The following ABCC8 variants were observed in gnomAD, a reference collection of about 807,000 sequenced individuals.
ABCC8 encodes ATP-binding cassette sub-family C member 8.
In ABCC8, 137 loss-of-function variants were observed where a neutral mutation model predicts 188.0. That is an observed-to-expected ratio of 0.73 (90% CI 0.63 to 0.84). The LOEUF is 0.84. ABCC8 is among the 40% of genes least tolerant of loss of function. The pLI is 0.00. For missense variants in ABCC8, 1,750 were observed against 2,072.7 expected (o/e 0.84, Z 3.02); for synonymous variants, 797 against 846.5 (o/e 0.94, Z 1.01).
intron 10 of ABCC8, among the ~76,000 whole-genome samples, chr11:17,440,843 G>A (rs1214808525): frequency 6.6e-6 from 1 of 152,216 alleles, no homozygotes; most frequent in East Asian, 1.9e-4. Context: ...CCCCTAGACA[G>A]GGACATGCCT....
At chr11:17,421,736 C>T (rs961989275) in intron 16 of ABCC8, among the ~76,000 whole-genome samples, 1 of 152,188 alleles carries the variant, frequency 6.6e-6, no homozygotes, top group Admixed American at 6.5e-5. Flanking sequence ...TTCCAAAGCA[C>T]AGAGACCAAA....
At position 17,407,470 on chromosome 11, in the gene ABCC8, G is replaced by A. The variant is rs1954599572; in HGVS notation, c.2821-17C>T. 10 of 1,614,142 alleles carry A rather than the reference G, an allele frequency of 6.2e-6. No homozygotes were observed. In the East Asian group the frequency reaches 2.2e-4, roughly 36 times the overall value. ...GACAGTCTCCTAAAAGACAGATGTG[G>A]CCTGGGCAATGTCTTCAGGATATAT... On this transcript the variant is annotated splice_polypyrimidine_tract_variant and intron_variant, in intron 23 of 38. Transcript: ENST00000389817.
Position 17,427,011 on chromosome 11 carries a change from A to T in ABCC8, c.2222+38T>A. On this transcript the variant is annotated intron_variant, in intron 16 of 38. Coordinates refer to ENST00000389817, the MANE Select transcript of ABCC8 (RefSeq NM_000352.6). The surrounding 1 kb of genome is among the most constrained non-coding windows in gnomAD (Gnocchi z 5.0). ...AACTGAGGAGGATGGTTAAAAGGAGATTTCCCCTCCACTGGGCCCTGAGGA... is the reference window on the plus strand; with the variant it reads ...AACTGAGGAGGATGGTTAAAAGGAGTTTTCCCCTCCACTGGGCCCTGAGGA... 2.5e-6 allele frequency: 4 copies of T among 1,581,204 alleles called. No individual in the cohort carries two copies. Among genetic ancestry groups the T allele is most frequent in the Non-Finnish European group, 3.5e-6 (4 of 1,152,526 alleles).
At chr11:17,393,958 T>C (rs1292205933) in intron 37 of ABCC8, 199 bp from the exon 38 acceptor site, 1 of 685,108 alleles carries the variant, frequency 1.5e-6, no homozygotes, top group Admixed American at 6.3e-5. Flanking sequence ...GCTCTGTGTG[T>C]GTATGTAGGT....
chr11:17,411,515 C>T (rs903907972), intron 21 of ABCC8, among the ~76,000 whole-genome samples: 13 of 152,090 alleles, frequency 8.5e-5, no homozygotes, highest in African/African-American at 2.4e-5. Context: ...AGTGCTTGTG[C>T]GTGTGGTGTA....
chr11:17,395,211 G>T lies in ABCC8; in HGVS notation c.4372C>A (p.Gln1458Lys). The T allele has an allele frequency of 6.3e-7, 1 of 1,595,962 alleles. No individual in the cohort carries two copies. The highest frequency in any genetic ancestry group is 2.3e-5 in the East Asian group (1 of 44,392). The change falls in exon 36 of 39, where the codon CAG (glutamine) becomes AAG (lysine). Residue 1458 changes from glutamine (Q) to lysine (K), a missense_variant. Physicochemically the swap from Gln to Lys is moderately conservative, Grantham distance 53 (BLOSUM62 1). Coordinates refer to ENST00000389817, the MANE Select transcript of ABCC8 (RefSeq NM_000352.6). ...STLWEALEIA[Q>K]LKLVVKALPG... Reference sequence around the variant, plus strand: ...AGTGCCTTCACCACCAGCTTCAGCTGGGCGATTTCCAGGGCCTCCCACAGT... The same window carrying T: ...AGTGCCTTCACCACCAGCTTCAGCTTGGCGATTTCCAGGGCCTCCCACAGT...
chr11:17,449,269 C>T (rs181378386), intron 7 of ABCC8, among the ~76,000 whole-genome samples: 1 of 152,236 alleles, frequency 6.6e-6, no homozygotes, highest in Admixed American at 6.5e-5. Context: ...CACTTGTATT[C>T]TTGATTTACC....
Position 17,460,683 on chromosome 11 carries a change from A to G in ABCC8, c.823-7T>C. ...TGCCCTGAATGTCCTTCCGCTGCCC[A>G]GAGAGACCATGGCCAGGTCAGAGTG... On this transcript the variant is annotated splice_region_variant and splice_polypyrimidine_tract_variant and intron_variant, in intron 5 of 38. Coordinates refer to ENST00000389817, the MANE Select transcript of ABCC8 (RefSeq NM_000352.6). 6.2e-7 allele frequency: 1 copy of G among 1,606,594 alleles called. No individual in the cohort carries two copies. Among genetic ancestry groups the G allele is most frequent in the Non-Finnish European group, 8.5e-7 (1 of 1,179,978 alleles).
Position 17,450,315 on chromosome 11 carries a change from T to TC in ABCC8, c.1177-1645_1177-1644insG, listed in dbSNP as rs1564959387. 2.5e-3 allele frequency among the ~76,000 whole-genome samples: 323 copies of TC among 131,594 alleles called. 4 individuals carry two copies. The highest frequency in any genetic ancestry group is 0.01 in the African/African-American group (313 of 30,812). The allele number at this position is 131,594 out of a possible 152,430, so 86.3% of individuals were successfully genotyped here. A position where few individuals can be genotyped will look rare whatever the true frequency, so the allele number is the denominator to read the frequency against. On this transcript the variant is annotated intron_variant, in intron 7 of 38. Transcript: ENST00000389817. The stretch of plus-strand genomic sequence containing the variant: ...CTTTCTTTCTTTCTTTCTTTCTTTC[T>TC]TTCTTTCTTTCTCTCTCTCTCTTTC...
chr11:17,453,896 G>C (rs2073585), intron 6 of ABCC8, among the ~76,000 whole-genome samples: 1 of 151,858 alleles, frequency 6.6e-6, no homozygotes, highest in African/African-American at 2.4e-5. Flanking sequence ...GTGTACTTCC[G>C]GCAAGATCTC....
intron 23 of ABCC8, 21 bp from the exon 24 acceptor site, chr11:17,407,474 G>A: frequency 6.2e-7 from 1 of 1,614,140 alleles, no homozygotes; most frequent in African/African-American, 1.3e-5. Context: ...GATGTGGCCT[G>A]GGCAATGTCT....
intron 7 of ABCC8, among the ~76,000 whole-genome samples, chr11:17,451,783 C>T (rs1956825293): frequency 6.6e-6 from 1 of 152,200 alleles, no homozygotes; most frequent in South Asian, 2.1e-4. Context: ...AGAATAAAGA[C>T]CAAGCTCTTT....
intron 28 of ABCC8, among the ~76,000 whole-genome samples, chr11:17,403,371 C>T (rs193026814): frequency 1.3e-5 from 2 of 152,274 alleles, no homozygotes; most frequent in Admixed American, 6.5e-5. Context: ...TAAACCATCT[C>T]CAGGGTCAGA....
At position 17,404,655 on chromosome 11, in the gene ABCC8, C is replaced by T. The variant is rs762412267; in HGVS notation, c.3414G>A (p.Thr1138=). 1.2e-5 allele frequency: 20 copies of T among 1,610,090 alleles called. No individual in the cohort carries two copies. The highest frequency in any genetic ancestry group is 2.2e-5 in the East Asian group (1 of 44,728). The change falls in exon 28 of 39, where the codon ACG becomes ACA. Residue 1138 remains threonine (T), a synonymous_variant. Coordinates refer to ENST00000389817, the MANE Select transcript of ABCC8 (RefSeq NM_000352.6). The surrounding 1 kb of genome is among the most constrained non-coding windows in gnomAD (Gnocchi z 4.7). The part of the protein sequence containing the change: ...CNTIDQHIPS[T]LECLSRSTLL... ...GGGTGGAGCGGCTCAGGCACTCCAGCGTGGATGGGATGTGCTGAGGGAGAC... is the reference window on the plus strand; with the variant it reads ...GGGTGGAGCGGCTCAGGCACTCCAGTGTGGATGGGATGTGCTGAGGGAGAC...
At chr11:17,428,873 G>A (rs1955718723) in intron 12 of ABCC8, 1 of 894,484 alleles carries the variant, frequency 1.1e-6, no homozygotes, top group African/African-American at 1.7e-5. Context: ...CAGTCAGCTG[G>A]AATAGGCTGG....
In ABCC8 at chr11:17,404,454, A is replaced by C; in HGVS notation, c.3557+58T>G. 1.3e-6 allele frequency: 2 copies of C among 1,532,780 alleles called. No homozygotes were observed. The highest frequency in any genetic ancestry group is 1.8e-6 in the Non-Finnish European group (2 of 1,106,124). 94.9% of individuals were successfully genotyped at this position (1,532,780 alleles called of 1,614,324 possible). ...TACTCTCATAACGATGAGTCTAGCA[A>C]GTACACCAAACTGCACATTGCAAAG... On this transcript the variant is annotated intron_variant, in intron 28 of 38. Transcript: ENST00000389817. The surrounding 1 kb of genome is among the most constrained non-coding windows in gnomAD (Gnocchi z 4.7).
intron 21 of ABCC8, among the ~76,000 whole-genome samples, chr11:17,412,358 T>C (rs1954851897): frequency 6.6e-6 from 1 of 152,242 alleles, no homozygotes; most frequent in Non-Finnish European, 1.5e-5. Context: ...TCAGCCATTC[T>C]TATAGTCGGG....
chr11:17,412,892 T>G, intron 20 of ABCC8, 146 bp from the exon 21 acceptor site: 5 of 1,496,180 alleles, frequency 3.3e-6, no homozygotes, highest in Non-Finnish European at 3.6e-6. Flanking sequence ...GAGAAGGAAC[T>G]TGCACGTGTT....
rs370711689 is a variant in ABCC8, at chr11:17,428,272, G to T, written c.2040+17C>A. The stretch of plus-strand genomic sequence containing the variant: ...GAGTTGGTGCTGGGTGGCCAGGCAT[G>T]GGGCAGCAGGACTCACCTGGACACA... On this transcript the variant is annotated intron_variant, in intron 14 of 38. Transcript: ENST00000389817. 1 of 1,613,914 alleles carries T rather than the reference G, an allele frequency of 6.2e-7. No homozygotes were observed. The highest frequency in any genetic ancestry group is 1.3e-5 in the African/African-American group (1 of 74,942).
Sources: allele counts gnomAD v4.1 joint callset (sites outside exome capture counted in the v4.1 genomes callset), GRCh38; gene constraint gnomAD v4.1.1; non-coding constraint Gnocchi (gnomAD v3.1); transcripts MANE v1.5; gene names NCBI Gene and HGNC (gene_info 2026-07-23, HGNC 2026-07-21).